The following THSD7B variants were observed in gnomAD, a reference collection of about 807,000 sequenced individuals.
THSD7B encodes the protein thrombospondin type 1 domain containing 7B.
Under a neutral mutation model 213.6 loss-of-function variants are expected in THSD7B, and 138 were observed. The ratio of observed to expected loss-of-function variants is 0.65; its 90% CI spans 0.56 to 0.74. The LOEUF (loss-of-function observed/expected upper bound fraction) is 0.74, where lower values mean the gene tolerates loss of function less well. Ranked by LOEUF, THSD7B falls within the 30% of genes least tolerant of loss-of-function variation. The pLI is 0.00. For missense variants in THSD7B, 1,931 were observed against 1,991.5 expected, an observed-to-expected ratio of 0.97 and a Z score of 0.58; for synonymous variants, 742 against 687.0, an observed-to-expected ratio of 1.08 and a Z score of -1.25.
At chr2:137,219,012 A>C (rs1036395) in intron 7 of THSD7B, among the ~76,000 whole-genome samples, 90,576 of 151,712 alleles carry the variant, frequency 0.6, 27,459 homozygotes, top group South Asian at 0.71. Flanking sequence ...GAGATACATT[A>C]ATTATTTTAA....
intron 2 of THSD7B, among the ~76,000 whole-genome samples, chr2:136,899,070 A>C (rs1684016897): frequency 6.6e-6 from 1 of 152,200 alleles, no homozygotes; most frequent in African/African-American, 2.4e-5. Flanking sequence ...TAAAGTACCA[A>C]GGAACCATAA....
At chr2:136,869,109 C>A (rs1216992551) in intron 1 of THSD7B, among the ~76,000 whole-genome samples, 1 of 151,934 alleles carries the variant, frequency 6.6e-6, no homozygotes, top group African/African-American at 2.4e-5. Context: ...AAAAAAAGTT[C>A]TCCACTTGAG....
chr2:137,388,249 C>G (rs977818501), intron 12 of THSD7B, among the ~76,000 whole-genome samples: 1 of 151,886 alleles, frequency 6.6e-6, no homozygotes, highest in African/African-American at 2.4e-5. Flanking sequence ...AGCAATTTAT[C>G]TGTATCAGTT....
intron 12 of THSD7B, among the ~76,000 whole-genome samples, chr2:137,398,808 T>C (rs1485679270): frequency 6.6e-6 from 1 of 152,164 alleles, no homozygotes; most frequent in Non-Finnish European, 1.5e-5. Context: ...GTGCTAGCAA[T>C]CAGCGAGATT....
At chr2:137,019,574 C>T (rs1349092629) in intron 2 of THSD7B, among the ~76,000 whole-genome samples, 1 of 152,192 alleles carries the variant, frequency 6.6e-6, no homozygotes, top group Non-Finnish European at 1.5e-5. Context: ...ATTTCCATAT[C>T]GCCAGCCTAT....
At chr2:137,457,966 T>C (rs1030264194) in intron 15 of THSD7B, among the ~76,000 whole-genome samples, 2 of 152,188 alleles carry the variant, frequency 1.3e-5, no homozygotes, top group South Asian at 2.1e-4. Flanking sequence ...AATTTAACCA[T>C]GTCAATGCAA....
chr2:136,806,863 G>A (rs558043138), intron 1 of THSD7B, among the ~76,000 whole-genome samples: 21 of 152,150 alleles, frequency 1.4e-4, no homozygotes, highest in Admixed American at 3.3e-4. Context: ...TAGTTGCTCA[G>A]ATTGTCTTTG....
rs140353177 is a variant in THSD7B at position 137,561,108 on chromosome 2, A to G, written c.3139-2113A>G. Reference sequence around the variant, plus strand: ...TTTAAATGCTATTACTCAAGAAGGTATCTCCACATCTTCCTATACAGACAT... The same window carrying G: ...TTTAAATGCTATTACTCAAGAAGGTGTCTCCACATCTTCCTATACAGACAT... On this transcript the variant is annotated intron_variant, in intron 15 of 27. Transcript: ENST00000409968. 1.4e-4 allele frequency among the ~76,000 whole-genome samples: 22 copies of G among 152,320 alleles called. No individual in the cohort carries two copies. The East Asian group carries it at 3.1e-3, about 21-fold the overall frequency.
Position 137,572,427 on chromosome 2 carries a change from T to C in THSD7B, c.3294T>C (p.Gly1098=), listed in dbSNP as rs998349179. 4 of 1,613,738 alleles carry C rather than the reference T, an allele frequency of 2.5e-6. No individual in the cohort carries two copies. In the African/African-American group the frequency reaches 5.3e-5, roughly 22 times the overall value. ...RKIRCVNTAD[G]EGGAVDSNLC... is the part of the protein sequence containing the mutation. ...ACAGATGTGTGAATACTGCGGATGG[T>C]GAAGGTGGAGCAGTGGATAGCAACC... Residue 1098 remains glycine (G), a synonymous_variant, in exon 17 of 28, where the codon GGT becomes GGC. Coordinates refer to ENST00000409968, the MANE Select transcript of THSD7B (RefSeq NM_001316349.2).
At chr2:137,168,031 T>A (rs1680171228) in intron 6 of THSD7B, among the ~76,000 whole-genome samples, 1 of 152,206 alleles carries the variant, frequency 6.6e-6, no homozygotes, top group Non-Finnish European at 1.5e-5. Flanking sequence ...TAAAGTGGCA[T>A]CTTAGTTTTC....
chr2:137,215,876 T>C (rs1219240302), intron 7 of THSD7B, among the ~76,000 whole-genome samples: 2 of 152,194 alleles, frequency 1.3e-5, no homozygotes, highest in Non-Finnish European at 2.9e-5. Context: ...AATAGGTTTT[T>C]AGATTAAGCT....
chr2:137,013,443 G>A (rs1441882917), intron 2 of THSD7B, among the ~76,000 whole-genome samples: 1 of 152,154 alleles, frequency 6.6e-6, no homozygotes, highest in Non-Finnish European at 1.5e-5. Flanking sequence ...GATCAAGGCT[G>A]CTAGAGTTCT....
intron 2 of THSD7B, among the ~76,000 whole-genome samples, chr2:137,047,249 G>T (rs576152871): frequency 6.6e-6 from 1 of 152,182 alleles, no homozygotes; most frequent in Admixed American, 6.5e-5. Flanking sequence ...TAATGTTTAG[G>T]AGACAGAGCT....
chr2:137,594,414 A>G (rs1681919744), intron 17 of THSD7B, among the ~76,000 whole-genome samples: 1 of 152,018 alleles, frequency 6.6e-6, no homozygotes, highest in African/African-American at 2.4e-5. Context: ...TGGTAAAAAT[A>G]TCTGAAGGAA....
At chr2:137,569,855 T>G (rs1254357009) in intron 16 of THSD7B, among the ~76,000 whole-genome samples, 1 of 151,906 alleles carries the variant, frequency 6.6e-6, no homozygotes, top group Admixed American at 6.6e-5. Context: ...TACTATTGCT[T>G]TTGTAGCATA....
intron 2 of THSD7B, among the ~76,000 whole-genome samples, chr2:136,914,531 A>G (rs1032967981): frequency 1.3e-5 from 2 of 152,184 alleles, no homozygotes; most frequent in Non-Finnish European, 2.9e-5. Context: ...GAATTCCCAC[A>G]TTTTGTGGGA....
intron 1 of THSD7B, among the ~76,000 whole-genome samples, chr2:136,808,176 A>G (rs1056920515): frequency 6.6e-5 from 10 of 152,214 alleles, no homozygotes; most frequent in African/African-American, 1.4e-4. Context: ...AGAATTATCA[A>G]TGTGCACCTC....
intron 17 of THSD7B, among the ~76,000 whole-genome samples, chr2:137,597,287 A>C (rs1484967277): frequency 1.3e-5 from 2 of 151,958 alleles, no homozygotes; most frequent in African/African-American, 2.4e-5. Flanking sequence ...TCTGACTCTC[A>C]AACAATATTA....
chr2:136,868,079 A>G (rs1221297520), intron 1 of THSD7B, among the ~76,000 whole-genome samples: 1 of 151,434 alleles, frequency 6.6e-6, no homozygotes, highest in Non-Finnish European at 1.5e-5. Flanking sequence ...GTCTGTTTAA[A>G]ACATCTAGAA....
Sources: allele counts gnomAD v4.1 joint callset (sites outside exome capture counted in the v4.1 genomes callset), GRCh38; gene constraint gnomAD v4.1.1; transcripts MANE v1.5; gene names NCBI Gene and HGNC (gene_info 2026-07-23, HGNC 2026-07-21).